The following NEGR1 variants were observed in gnomAD, a reference collection of about 807,000 sequenced individuals.
NEGR1 encodes the protein IgLON family member 4.
Under a neutral mutation model 40.9 loss-of-function variants are expected in NEGR1, and 10 were observed. That is an observed-to-expected ratio of 0.24 (90% CI 0.15 to 0.42). The LOEUF is 0.42. Ranked by LOEUF, NEGR1 falls within the 10% of genes least tolerant of loss-of-function variation. The pLI is 1.00. For missense variants in NEGR1, 352 were observed against 438.9 expected (o/e 0.80, Z 1.77); for synonymous variants, 185 against 166.8 (o/e 1.11, Z -0.84).
intron 1 of NEGR1, among the ~76,000 whole-genome samples, chr1:72,084,614 T>C (rs1433800599): frequency 6.6e-6 from 1 of 152,196 alleles, no homozygotes; most frequent in Non-Finnish European, 1.5e-5. Flanking sequence ...GAGCCTCTTT[T>C]ACTGCCTGGA....
At chr1:72,255,270 C>T (rs1383944186) in intron 1 of NEGR1, among the ~76,000 whole-genome samples, 2 of 152,058 alleles carry the variant, frequency 1.3e-5, no homozygotes, top group Admixed American at 6.6e-5. Context: ...TTTTATTTTA[C>T]TTACAAATAG....
chr1:71,661,955 TA>T (rs1396258241), intron 4 of NEGR1, among the ~76,000 whole-genome samples: 1 of 152,152 alleles, frequency 6.6e-6, no homozygotes, highest in East Asian at 1.9e-4. Flanking sequence ...AGAACAAGGA[TA>T]AGGGTAGTAC....
chr1:71,966,871 G>A (rs1210713338), intron 1 of NEGR1, among the ~76,000 whole-genome samples: 1 of 152,094 alleles, frequency 6.6e-6, no homozygotes, highest in Non-Finnish European at 1.5e-5. Context: ...TAGAAAAGTG[G>A]CTGATCATGC....
intron 1 of NEGR1, among the ~76,000 whole-genome samples, chr1:71,943,173 T>C (rs901839070): frequency 1.3e-5 from 2 of 148,522 alleles, no homozygotes; most frequent in African/African-American, 4.9e-5. Flanking sequence ...ACTATACATA[T>C]ATGTATATTT....
intron 3 of NEGR1, among the ~76,000 whole-genome samples, chr1:71,764,010 C>T (rs763472169): frequency 6.6e-6 from 1 of 151,944 alleles, no homozygotes; most frequent in Non-Finnish European, 1.5e-5. Context: ...AGATTATTTC[C>T]GGACAAAAGG....
At chr1:71,800,975 T>A (rs1232825131) in intron 2 of NEGR1, among the ~76,000 whole-genome samples, 1 of 152,198 alleles carries the variant, frequency 6.6e-6, no homozygotes, top group Non-Finnish European at 1.5e-5. Context: ...TTCTCTTGAT[T>A]TCTTTCTAAT....
intron 1 of NEGR1, among the ~76,000 whole-genome samples, chr1:71,998,702 G>A (rs968562056): frequency 6.6e-6 from 1 of 151,136 alleles, no homozygotes; most frequent in African/African-American, 2.4e-5. Context: ...ATTTTATATA[G>A]AGATATAAAT....
At chr1:71,903,970 A>G (rs1477587824) in intron 2 of NEGR1, among the ~76,000 whole-genome samples, 1 of 151,940 alleles carries the variant, frequency 6.6e-6, no homozygotes, top group Admixed American at 6.6e-5. Context: ...CTTTCATTCA[A>G]TAACAATTGA....
chr1:72,149,079 A>C (rs1167569105), intron 1 of NEGR1, among the ~76,000 whole-genome samples: 1 of 152,154 alleles, frequency 6.6e-6, no homozygotes, highest in Non-Finnish European at 1.5e-5. Flanking sequence ...AATAACTGGG[A>C]ACAAAAAGAT....
intron 6 of NEGR1, among the ~76,000 whole-genome samples, chr1:71,442,030 A>G (rs1646550476): frequency 2.0e-5 from 3 of 152,160 alleles, no homozygotes; most frequent in Admixed American, 6.5e-5. Flanking sequence ...TTGTAAAATG[A>G]TATTTAAAAA....
intron 3 of NEGR1, among the ~76,000 whole-genome samples, chr1:71,772,351 C>T (rs1656357567): frequency 6.6e-6 from 1 of 151,848 alleles, no homozygotes; most frequent in South Asian, 2.1e-4. Flanking sequence ...TTGCAAGGAG[C>T]CAAGATCACA....
At chr1:71,639,597 C>A (rs531819814) in intron 4 of NEGR1, among the ~76,000 whole-genome samples, 2 of 152,066 alleles carry the variant, frequency 1.3e-5, no homozygotes, top group African/African-American at 2.4e-5. Context: ...CCTTGGACAC[C>A]AGTATATTAA....
chr1:71,876,726 C>T (rs973773001), intron 2 of NEGR1, among the ~76,000 whole-genome samples: 3 of 152,008 alleles, frequency 2.0e-5, no homozygotes, highest in Non-Finnish European at 2.9e-5. Context: ...ATTGCCTGAG[C>T]ATATATGTAG....
chr1:72,113,755 G>C (rs1303988552), intron 1 of NEGR1, among the ~76,000 whole-genome samples: 1 of 151,734 alleles, frequency 6.6e-6, no homozygotes, highest in Non-Finnish European at 1.5e-5. Flanking sequence ...TGTAGAATTT[G>C]TCCTAACAGT....
rs1409601192 is a variant in NEGR1 at position 71,405,085 on chromosome 1, C to T, written c.*2361G>A. On this transcript the variant is annotated 3_prime_UTR_variant, in exon 7 of 7. Transcript: ENST00000357731. ...AAAATGTCACTCAAGAAAGTCTCTTCTAACATAAAGGCAAATACATATAGC... is the reference window on the plus strand; with the variant it reads ...AAAATGTCACTCAAGAAAGTCTCTTTTAACATAAAGGCAAATACATATAGC... The T allele has an allele frequency of 6.6e-6, 1 of 152,020 alleles. No individual in the cohort carries two copies. The highest frequency in any genetic ancestry group is 6.6e-5 in the Admixed American group (1 of 15,210). 9.4% of individuals were successfully genotyped at this position (152,020 alleles called of 1,614,324 possible).
chr1:71,813,949 C>A (rs1191175280), intron 2 of NEGR1, among the ~76,000 whole-genome samples: 1 of 152,074 alleles, frequency 6.6e-6, no homozygotes, highest in Non-Finnish European at 1.5e-5. Context: ...ATTGCCCTTG[C>A]CAGAACTTCC....
At chr1:72,067,232 AT>A (rs1263588097) in intron 1 of NEGR1, among the ~76,000 whole-genome samples, 1 of 152,118 alleles carries the variant, frequency 6.6e-6, no homozygotes, top group East Asian at 1.9e-4. Context: ...ATGTTTGGTA[AT>A]ATCCTATACA....
At chr1:71,798,682 CT>C (rs2101745311) in intron 2 of NEGR1, among the ~76,000 whole-genome samples, 1 of 152,246 alleles carries the variant, frequency 6.6e-6, no homozygotes, top group Admixed American at 6.5e-5. Flanking sequence ...TGATCTGAGT[CT>C]GAAACCTAAT....
At chr1:71,592,642 A>C (rs1452702268) in intron 6 of NEGR1, among the ~76,000 whole-genome samples, 175 bp downstream of exon 6, 1 of 152,192 alleles carries the variant, frequency 6.6e-6, no homozygotes, top group Non-Finnish European at 1.5e-5. Flanking sequence ...ATCCTTGGAC[A>C]ACTATATGAT....
Sources: allele counts gnomAD v4.1 joint callset (sites outside exome capture counted in the v4.1 genomes callset), GRCh38; gene constraint gnomAD v4.1.1; transcripts MANE v1.5; gene names NCBI Gene and HGNC (gene_info 2026-07-23, HGNC 2026-07-21).